The following SEMA6D variants were observed in gnomAD, a reference collection of about 807,000 sequenced individuals.
SEMA6D encodes semaphorin-6D.
In SEMA6D, 35 loss-of-function variants were observed where a neutral mutation model predicts 106.6. That is an observed-to-expected ratio of 0.33 (90% CI 0.25 to 0.44). The LOEUF (loss-of-function observed/expected upper bound fraction) is 0.44. Among genes scored for constraint, SEMA6D ranks in the 20% least tolerant of loss-of-function variants. The pLI, the probability that SEMA6D is intolerant of heterozygous loss-of-function variation, is 1.00. For missense variants in SEMA6D, 1,185 were observed against 1,345.9 expected (o/e 0.88, Z 1.87); for synonymous variants, 499 against 487.7 (o/e 1.02, Z -0.31).
At chr15:47,518,467 C>A (rs2044461062) in intron 3 of SEMA6D, among the ~76,000 whole-genome samples, 1 of 152,160 alleles carries the variant, frequency 6.6e-6, no homozygotes, top group South Asian at 2.1e-4. Context: ...TGTCTTTGTG[C>A]AAACATCATA....
intron 1 of SEMA6D, among the ~76,000 whole-genome samples, chr15:47,236,341 C>T (rs2032537782): frequency 6.6e-6 from 1 of 152,016 alleles, no homozygotes; most frequent in South Asian, 2.1e-4. Flanking sequence ...AAAGAGGATT[C>T]ATGTGGGGTT....
At chr15:47,699,977 A>G (rs780919200) in intron 4 of SEMA6D, among the ~76,000 whole-genome samples, 25 of 152,242 alleles carry the variant, frequency 1.6e-4, no homozygotes, top group Non-Finnish European at 3.2e-4. Context: ...GCCTTCCTAT[A>G]TATCAGCAAT....
rs1596486982 is a variant in SEMA6D at position 47,632,279 on chromosome 15, G to A, written c.-55+31383G>A. Among the ~76,000 whole-genome samples the A allele has an allele frequency of 3.3e-5, 5 of 151,956 alleles. No homozygotes were observed. In the East Asian group the frequency reaches 7.7e-4, roughly 23 times the overall value. On this transcript the variant is annotated intron_variant, in intron 4 of 19. Transcript: ENST00000558014. Reference sequence around the variant, plus strand: ...TACTTTTTTTTATAAAGTCTATTCTGCTGTTTTGGGATAGAGTGTTCTCTC... The same window carrying A: ...TACTTTTTTTTATAAAGTCTATTCTACTGTTTTGGGATAGAGTGTTCTCTC...
chr15:47,439,823 G>C (rs2041828586), intron 2 of SEMA6D, among the ~76,000 whole-genome samples: 1 of 152,056 alleles, frequency 6.6e-6, no homozygotes, highest in South Asian at 2.1e-4. Flanking sequence ...CCTTCACTGG[G>C]ATACTGCAAA....
intron 1 of SEMA6D, among the ~76,000 whole-genome samples, chr15:47,228,394 A>G (rs1398504759): frequency 6.6e-6 from 1 of 151,888 alleles, no homozygotes; most frequent in Non-Finnish European, 1.5e-5. Context: ...TTAATAAACT[A>G]TTGTCGGAAA....
intron 3 of SEMA6D, among the ~76,000 whole-genome samples, chr15:47,548,476 A>G (rs2045588545): frequency 2.0e-5 from 3 of 152,162 alleles, no homozygotes; most frequent in African/African-American, 7.2e-5. Flanking sequence ...GAATTTGCAC[A>G]TGTTCAAAAA....
intron 1 of SEMA6D, among the ~76,000 whole-genome samples, chr15:47,269,495 A>C (rs988998442): frequency 2.0e-5 from 3 of 152,038 alleles, no homozygotes; most frequent in African/African-American, 4.8e-5. Flanking sequence ...AATAAGTTAC[A>C]CTGTTTTATC....
At position 47,225,681 on chromosome 15, in the gene SEMA6D, A is replaced by G. The variant is rs1595768741; in HGVS notation, c.-239+41263A>G. Reference sequence around the variant, plus strand: ...GTGTCTGGGATTATAGGCCTCCGCCACCAAGCCCGGCTAATTTTGTATTTT... The same window carrying G: ...GTGTCTGGGATTATAGGCCTCCGCCGCCAAGCCCGGCTAATTTTGTATTTT... On this transcript the variant is annotated intron_variant, in intron 1 of 19. Coordinates refer to the SEMA6D transcript ENST00000558014. Among the ~76,000 whole-genome samples, 3 of 151,756 alleles carry G rather than the reference A, an allele frequency of 2.0e-5. No individual in the cohort carries two copies. The East Asian group carries it at 5.8e-4, about 30-fold the overall frequency.
chr15:47,594,697 A>T (rs985405340), intron 3 of SEMA6D, among the ~76,000 whole-genome samples: 2 of 152,222 alleles, frequency 1.3e-5, no homozygotes, highest in African/African-American at 2.4e-5. Flanking sequence ...CTTTACACAG[A>T]AAAGTATAAT....
chr15:47,615,658 T>G (rs546655259), intron 4 of SEMA6D, among the ~76,000 whole-genome samples: 1 of 152,352 alleles, frequency 6.6e-6, no homozygotes, highest in Admixed American at 6.5e-5. Context: ...ATTTGAATAG[T>G]TGGCTTCGGG....
intron 1 of SEMA6D, chr15:47,730,029 C>G (rs1452807947): frequency 3.4e-6 from 2 of 581,504 alleles, no homozygotes; most frequent in African/African-American, 3.7e-5. Context: ...AGTGAGATCC[C>G]TTAATGCTAT....
At chr15:47,410,359 A>G (rs1335254346) in intron 1 of SEMA6D, among the ~76,000 whole-genome samples, 1 of 152,208 alleles carries the variant, frequency 6.6e-6, no homozygotes. Context: ...AAGAAGCATC[A>G]AAACACACTG....
intron 3 of SEMA6D, among the ~76,000 whole-genome samples, chr15:47,549,122 G>A (rs548049315): frequency 6.6e-6 from 1 of 152,262 alleles, no homozygotes; most frequent in African/African-American, 2.4e-5. Context: ...GGATTCTCCA[G>A]TCCCGATGGA....
intron 1 of SEMA6D, among the ~76,000 whole-genome samples, chr15:47,342,960 G>A (rs1047520214): frequency 5.9e-5 from 9 of 152,166 alleles, no homozygotes; most frequent in South Asian, 2.1e-4. Context: ...TGATTTGCCC[G>A]CCTCAACTTC....
chr15:47,561,016 C>T (rs1266163263), intron 3 of SEMA6D, among the ~76,000 whole-genome samples: 1 of 151,148 alleles, frequency 6.6e-6, no homozygotes, highest in African/African-American at 2.4e-5. Flanking sequence ...CACCCAGTTC[C>T]TAGTATGTTA....
chr15:47,280,319 G>A (rs1353371824), intron 1 of SEMA6D, among the ~76,000 whole-genome samples: 5 of 151,820 alleles, frequency 3.3e-5, no homozygotes, highest in Admixed American at 6.6e-5. Context: ...TTGCGTAGAG[G>A]TGTTTGTAGT....
At chr15:47,635,100 T>G (rs2077363808) in intron 4 of SEMA6D, among the ~76,000 whole-genome samples, 1 of 152,130 alleles carries the variant, frequency 6.6e-6, no homozygotes, top group Non-Finnish European at 1.5e-5. Context: ...CTCCCCACCT[T>G]GTCACTCCTC....
intron 4 of SEMA6D, among the ~76,000 whole-genome samples, chr15:47,656,731 T>A (rs2077803238): frequency 6.6e-6 from 1 of 152,168 alleles, no homozygotes; most frequent in Non-Finnish European, 1.5e-5. Context: ...TGATATAAGC[T>A]GCATGCACAT....
intron 1 of SEMA6D, among the ~76,000 whole-genome samples, chr15:47,755,398 T>C (rs2081660262): frequency 6.6e-6 from 1 of 152,166 alleles, no homozygotes; most frequent in African/African-American, 2.4e-5. Flanking sequence ...TGTGGGCCTA[T>C]TTCTATTGTG....
Sources: allele counts gnomAD v4.1 joint callset (sites outside exome capture counted in the v4.1 genomes callset), GRCh38; gene constraint gnomAD v4.1.1; transcripts MANE v1.5; gene names NCBI Gene and HGNC (gene_info 2026-07-23, HGNC 2026-07-21).